Variants in DLG2 observed in about 807,000 individuals in gnomAD.
The protein encoded by DLG2 is disks large homolog 2.
DLG2 carries 45 observed loss-of-function variants against 132.5 expected under a neutral mutation model. That is an observed-to-expected ratio of 0.34 (90% CI 0.27 to 0.44). The LOEUF (loss-of-function observed/expected upper bound fraction) is 0.44. DLG2 is among the 20% of genes least tolerant of loss of function. The pLI is 1.00. For synonymous variants in DLG2, 424 were observed against 419.6 expected (o/e 1.01, Z -0.13); for missense variants, 1,045 against 1,196.9 (o/e 0.87, Z 1.87).
intron 3 of DLG2, among the ~76,000 whole-genome samples, chr11:85,465,017 T>A (rs754246684): frequency 7.7e-6 from 1 of 129,108 alleles, no homozygotes; most frequent in Non-Finnish European, 1.5e-5. Flanking sequence ...GAGGTTGTAG[T>A]GAGCCAAGAT....
At chr11:84,066,042 G>A (rs985957539) in intron 10 of DLG2, among the ~76,000 whole-genome samples, 7 of 152,032 alleles carry the variant, frequency 4.6e-5, no homozygotes, top group African/African-American at 9.7e-5. Flanking sequence ...ACAAAGAGGG[G>A]AACAACATTT....
At chr11:83,480,810 G>A (rs946455552) in intron 22 of DLG2, among the ~76,000 whole-genome samples, 1 of 152,080 alleles carries the variant, frequency 6.6e-6, no homozygotes, top group Non-Finnish European at 1.5e-5. Context: ...TGTGTAGGCA[G>A]TGTTTTCTTG....
At chr11:84,517,934 T>C (rs1268713702) in intron 7 of DLG2, among the ~76,000 whole-genome samples, 2 of 151,986 alleles carry the variant, frequency 1.3e-5, no homozygotes, top group African/African-American at 4.8e-5. Flanking sequence ...TACTCCTATG[T>C]GAAATCTAAA....
chr11:84,146,006 G>T (rs1000254953), intron 9 of DLG2, among the ~76,000 whole-genome samples: 1 of 152,098 alleles, frequency 6.6e-6, no homozygotes, highest in Non-Finnish European at 1.5e-5. Flanking sequence ...AGTTAACACT[G>T]CAAAAGCACT....
chr11:85,480,277 G>A (rs1191586839), intron 3 of DLG2, among the ~76,000 whole-genome samples: 1 of 152,172 alleles, frequency 6.6e-6, no homozygotes. Context: ...ACTGGCAAAT[G>A]TGACTCAAAA....
intron 8 of DLG2, among the ~76,000 whole-genome samples, chr11:84,196,773 G>A (rs1357615878): frequency 1.3e-5 from 2 of 151,996 alleles, no homozygotes; most frequent in Admixed American, 1.3e-4. Context: ...GAGTGCAGTG[G>A]CTCACACCTG....
chr11:83,590,008 A>G (rs2097159487), intron 19 of DLG2, among the ~76,000 whole-genome samples: 1 of 137,482 alleles, frequency 7.3e-6, no homozygotes, highest in Non-Finnish European at 1.6e-5. Flanking sequence ...TGAGTGACCT[A>G]CAAAGAGACT....
At chr11:85,464,428 T>C (rs529504392) in intron 3 of DLG2, among the ~76,000 whole-genome samples, 1 of 152,138 alleles carries the variant, frequency 6.6e-6, no homozygotes, top group South Asian at 2.1e-4. Context: ...GTGCTCCTGA[T>C]TGTTGGGGAT....
At chr11:84,772,508 A>G (rs2069606813) in intron 6 of DLG2, among the ~76,000 whole-genome samples, 3 of 152,224 alleles carry the variant, frequency 2.0e-5, no homozygotes, top group South Asian at 2.1e-4. Context: ...TCTCATCTGC[A>G]CATGGAACAT....
At chr11:84,818,932 C>CATTATT (rs34969778) in intron 6 of DLG2, among the ~76,000 whole-genome samples, 6 of 34,368 alleles carry the variant, frequency 1.7e-4, no homozygotes, top group African/African-American at 3.4e-4. Flanking sequence ...CCAGGCAGTC[C>CATTATT]ATTATCATCA....
chr11:84,560,452 G>A (rs1363928826), intron 6 of DLG2, among the ~76,000 whole-genome samples: 4 of 152,100 alleles, frequency 2.6e-5, no homozygotes, highest in Non-Finnish European at 5.9e-5. Context: ...ATTGGAAGTA[G>A]AAGAACTTAA....
chr11:84,751,390 G>A (rs937872300), intron 6 of DLG2, among the ~76,000 whole-genome samples: 1 of 152,020 alleles, frequency 6.6e-6, no homozygotes, highest in Non-Finnish European at 1.5e-5. Context: ...GCAGCAAGAA[G>A]GTGACAGTGA....
At chr11:84,852,891 T>A (rs1373204123) in intron 6 of DLG2, among the ~76,000 whole-genome samples, 2 of 152,006 alleles carry the variant, frequency 1.3e-5, no homozygotes, top group African/African-American at 4.8e-5. Context: ...AAAGTTGCCA[T>A]AGTAACTAGT....
intron 7 of DLG2, among the ~76,000 whole-genome samples, chr11:84,320,873 T>A (rs1425831691): frequency 6.6e-6 from 1 of 152,322 alleles, no homozygotes. Context: ...CTGAATTAAT[T>A]ACAAGTCTAA....
chr11:83,829,151 A>C (rs560104460), intron 17 of DLG2, among the ~76,000 whole-genome samples: 4 of 152,058 alleles, frequency 2.6e-5, no homozygotes, highest in Non-Finnish European at 5.9e-5. Flanking sequence ...ACTTATTTGC[A>C]AATTAATCTT....
chr11:84,020,641 T>A (rs2095363598), intron 11 of DLG2, among the ~76,000 whole-genome samples: 1 of 152,214 alleles, frequency 6.6e-6, no homozygotes, highest in Non-Finnish European at 1.5e-5. Flanking sequence ...ATAAGAGTTA[T>A]TTCTGCAAGT....
At chr11:84,813,421 C>A (rs2076780500) in intron 6 of DLG2, among the ~76,000 whole-genome samples, 1 of 152,090 alleles carries the variant, frequency 6.6e-6, no homozygotes, top group South Asian at 2.1e-4. Context: ...AACACCCTCC[C>A]AACCACAAAG....
chr11:84,212,345 T>A (rs1250745115), intron 8 of DLG2, among the ~76,000 whole-genome samples: 6 of 152,184 alleles, frequency 3.9e-5, no homozygotes, highest in Non-Finnish European at 8.8e-5. Context: ...CTGTGGGGCT[T>A]GAATCTTATA....
intron 3 of DLG2, among the ~76,000 whole-genome samples, chr11:85,308,278 A>T (rs2080094150): frequency 6.7e-6 from 1 of 149,528 alleles, no homozygotes; most frequent in Admixed American, 6.7e-5. Context: ...AAAAGGAATT[A>T]AAAAAAAAAA....
Sources: gnomAD v4.1 joint callset for allele counts (sites outside exome capture counted in the v4.1 genomes callset) on GRCh38, gnomAD v4.1.1 for gene constraint, MANE v1.5 for transcripts, NCBI Gene and HGNC (gene_info 2026-07-23, HGNC 2026-07-21) for gene names.